Variants in DLGAP2 observed in about 807,000 individuals in gnomAD.
The protein encoded by DLGAP2 is DLG associated protein 2, also known as disks large-associated protein 2.
Under a neutral mutation model 100.3 loss-of-function variants are expected in DLGAP2, and 26 were observed. The ratio of observed to expected loss-of-function variants is 0.26; its 90% CI spans 0.19 to 0.36. The LOEUF (loss-of-function observed/expected upper bound fraction) is 0.36, where lower values mean the gene tolerates loss of function less well. Ranked by LOEUF, DLGAP2 falls within the 10% of genes least tolerant of loss-of-function variation. The probability of loss-of-function intolerance (pLI) is 1.00; values close to 1 mark genes in which losing one functional copy is unlikely to be tolerated. For missense variants in DLGAP2, 1,858 were observed against 1,453.2 expected (o/e 1.28, Z -4.53); for synonymous variants, 886 against 630.1 (o/e 1.41, Z -6.08).
chr8:1,457,925 C>G (rs1223186999), intron 3 of DLGAP2, among the ~76,000 whole-genome samples: 1 of 142,944 alleles, frequency 7.0e-6, no homozygotes, highest in Non-Finnish European at 1.5e-5. Flanking sequence ...AACTATGATG[C>G]AGGGAAATTA....
At chr8:1,295,374 G>A (rs999942777) in intron 3 of DLGAP2, among the ~76,000 whole-genome samples, 9 of 152,366 alleles carry the variant, frequency 5.9e-5, no homozygotes, top group Admixed American at 3.3e-4. Flanking sequence ...GCAGCTGCAG[G>A]CTCTGCCCTC....
chr8:793,700 C>T (rs1795967287), intron 1 of DLGAP2, among the ~76,000 whole-genome samples: 2 of 152,212 alleles, frequency 1.3e-5, no homozygotes, highest in Admixed American at 1.3e-4. Context: ...ATTTCCCTGA[C>T]GGAGTCCACA....
chr8:1,034,496 C>A (rs1802074527), intron 2 of DLGAP2, among the ~76,000 whole-genome samples: 1 of 75,954 alleles, frequency 1.3e-5, no homozygotes, highest in African/African-American at 7.3e-5. Context: ...TCATCCCGAC[C>A]CCGCGTGTCA....
intron 4 of DLGAP2, among the ~76,000 whole-genome samples, chr8:1,504,148 A>T (rs559178971): frequency 1.3e-5 from 2 of 151,338 alleles, no homozygotes; most frequent in East Asian, 3.9e-4. Flanking sequence ...GCCCCACCTG[A>T]TGTATTTGTC....
intron 6 of DLGAP2, among the ~76,000 whole-genome samples, chr8:1,601,561 A>G (rs534676783): frequency 6.6e-6 from 1 of 152,014 alleles, no homozygotes; most frequent in African/African-American, 2.4e-5. Flanking sequence ...TCTTTCAGAG[A>G]TGCCCTGCCC....
At position 1,308,862 on chromosome 8, in the gene DLGAP2, C is replaced by G. The variant is rs1000887847; in HGVS notation, c.106+49979C>G. ...TTTTAAAATTTTCTTAAATATGCCC[C>G]AAAACTAAAGAACACTGGGAAACAA... On this transcript the variant is annotated intron_variant, in intron 3 of 14. Coordinates refer to ENST00000637795, the MANE Select transcript of DLGAP2 (RefSeq NM_001346810.2). Among the ~76,000 whole-genome samples, 5 of 151,892 alleles carry G rather than the reference C, an allele frequency of 3.3e-5. No individual in the cohort carries two copies. In the East Asian group the frequency reaches 9.6e-4, roughly 29 times the overall value.
intron 2 of DLGAP2, among the ~76,000 whole-genome samples, chr8:1,040,650 G>A (rs1304445918): frequency 6.7e-6 from 1 of 149,182 alleles, no homozygotes; most frequent in Non-Finnish European, 1.5e-5. Context: ...GGCTCGGTGT[G>A]CGTGGTCGGC....
chr8:1,466,450 G>A (rs1375052931), intron 3 of DLGAP2, among the ~76,000 whole-genome samples: 1 of 151,808 alleles, frequency 6.6e-6, no homozygotes, highest in Non-Finnish European at 1.5e-5. Context: ...GAGACACGGT[G>A]GCTCAAAAGG....
At chr8:1,445,811 G>A (rs1402568321) in intron 3 of DLGAP2, among the ~76,000 whole-genome samples, 1 of 152,126 alleles carries the variant, frequency 6.6e-6, no homozygotes, top group African/African-American at 2.4e-5. Context: ...ATCTCACTGT[G>A]GTTTTGATTT....
chr8:918,521 G>T (rs530532505), intron 2 of DLGAP2, among the ~76,000 whole-genome samples: 1 of 152,188 alleles, frequency 6.6e-6, no homozygotes, highest in Admixed American at 6.5e-5. Context: ...GTGCCACGCT[G>T]TGTCTGTGCC....
At chr8:1,515,351 G>C (rs925772378) in intron 4 of DLGAP2, among the ~76,000 whole-genome samples, 1 of 152,196 alleles carries the variant, frequency 6.6e-6, no homozygotes, top group Non-Finnish European at 1.5e-5. Flanking sequence ...CTTCCCTTAA[G>C]ACAGACAGGG....
chr8:1,673,667 G>T (rs1289649002), intron 10 of DLGAP2, among the ~76,000 whole-genome samples: 1 of 152,232 alleles, frequency 6.6e-6, no homozygotes, highest in Non-Finnish European at 1.5e-5. Context: ...TCAGGCCTCA[G>T]GCTGAGAGTT....
intron 3 of DLGAP2, among the ~76,000 whole-genome samples, chr8:1,477,810 A>AG (rs2130232390): frequency 6.6e-6 from 1 of 151,614 alleles, no homozygotes; most frequent in Non-Finnish European, 1.5e-5. Context: ...AAAAAAAAAA[A>AG]GGTGCCTAAT....
intron 2 of DLGAP2, among the ~76,000 whole-genome samples, chr8:1,081,914 T>C (rs1195945375): frequency 6.6e-6 from 1 of 152,110 alleles, no homozygotes. Flanking sequence ...CCCTGGCCAC[T>C]TACTCCCCAA....
chr8:1,242,789 C>G (rs1333106813), intron 2 of DLGAP2, among the ~76,000 whole-genome samples: 2 of 151,954 alleles, frequency 1.3e-5, no homozygotes, highest in Non-Finnish European at 2.9e-5. Flanking sequence ...GATAGACGGA[C>G]AGATAGATGG....
At chr8:1,583,333 G>A (rs755503334) in intron 6 of DLGAP2, among the ~76,000 whole-genome samples, 31 of 152,234 alleles carry the variant, frequency 2.0e-4, no homozygotes, top group Non-Finnish European at 3.1e-4. Context: ...CTCAGAAGAC[G>A]GGCTCAGATA....
rs549741219 is a variant in DLGAP2 at position 1,061,098 on chromosome 8, C to G, written c.73+153132C>G. On this transcript the variant is annotated intron_variant, in intron 2 of 14. Coordinates refer to ENST00000637795, the MANE Select transcript of DLGAP2 (RefSeq NM_001346810.2). ...CCTACACCTTTCCAGCATGAAGAAC[C>G]CATCCACCAGGTCTGTTTTCCAGGA... Among the ~76,000 whole-genome samples, 5 of 152,310 alleles carry G rather than the reference C, an allele frequency of 3.3e-5. No individual in the cohort carries two copies. In the East Asian group the frequency reaches 9.6e-4, roughly 29 times the overall value.
chr8:843,409 G>T, intron 1 of DLGAP2, among the ~76,000 whole-genome samples: 1 of 152,220 alleles, frequency 6.6e-6, no homozygotes, highest in Admixed American at 6.5e-5. Flanking sequence ...GTCTTTACGG[G>T]GAGACCCCTC....
chr8:1,627,301 G>C (rs1585010900), intron 7 of DLGAP2, among the ~76,000 whole-genome samples: 1 of 152,186 alleles, frequency 6.6e-6, no homozygotes, highest in Admixed American at 6.5e-5. Flanking sequence ...GGATAGCCTG[G>C]TGTCGCTCAC....
Sources: gnomAD v4.1 joint callset for allele counts (sites outside exome capture counted in the v4.1 genomes callset) on GRCh38, gnomAD v4.1.1 for gene constraint, MANE v1.5 for transcripts, NCBI Gene and HGNC (gene_info 2026-07-23, HGNC 2026-07-21) for gene names.